MARCHF10: variants seen among roughly 807,000 people sequenced by gnomAD.
The protein encoded by MARCHF10 is probable E3 ubiquitin-protein ligase MARCHF10.
Under a neutral mutation model 76.2 loss-of-function variants are expected in MARCHF10, and 64 were observed. The ratio of observed to expected loss-of-function variants is 0.84; its 90% CI spans 0.69 to 1.03. The LOEUF is 1.03. MARCHF10 is among the 50% of genes least tolerant of loss of function. The probability of loss-of-function intolerance (pLI) is 0.00; values close to 1 mark genes in which losing one functional copy is unlikely to be tolerated. For missense variants in MARCHF10, 875 were observed against 958.0 expected (o/e 0.91, Z 1.14); for synonymous variants, 340 against 357.5 (o/e 0.95, Z 0.55).
intron 2 of MARCHF10, among the ~76,000 whole-genome samples, chr17:62,792,688 C>CTA: frequency 2.0e-5 from 3 of 149,758 alleles, no homozygotes; most frequent in South Asian, 4.3e-4. Context: ...ACCTCCATCA[C>CTA]CACCATCACC....
chr17:62,759,112 C>T (rs1558239), intron 4 of MARCHF10, among the ~76,000 whole-genome samples: 78,642 of 152,088 alleles, frequency 0.52, 21,412 homozygotes, highest in East Asian at 0.7. Flanking sequence ...GAGGACAAAC[C>T]CAGAACAGGA....
chr17:62,799,679 G>A (rs1413386584), intron 2 of MARCHF10, among the ~76,000 whole-genome samples: 4 of 151,820 alleles, frequency 2.6e-5, no homozygotes, highest in Non-Finnish European at 5.9e-5. Context: ...CCAGGAGGCA[G>A]AGGTTGCGAT....
At chr17:62,705,656 C>T in intron 9 of MARCHF10, 75 bp from the exon 10 acceptor site, 1 of 1,562,300 alleles carries the variant, frequency 6.4e-7, no homozygotes, top group Non-Finnish European at 8.8e-7. Context: ...ACCTCCTAGT[C>T]GCAGCAACGT....
At chr17:62,768,883 T>C (rs575921972) in intron 3 of MARCHF10, among the ~76,000 whole-genome samples, 1 of 152,330 alleles carries the variant, frequency 6.6e-6, no homozygotes, top group East Asian at 1.9e-4. Flanking sequence ...AACCCAATTG[T>C]CCCCAAGATG....
At chr17:62,793,179 TACC>T (rs1319754914) in intron 2 of MARCHF10, among the ~76,000 whole-genome samples, 4 of 33,218 alleles carry the variant, frequency 1.2e-4, no homozygotes, top group South Asian at 1.1e-3. Flanking sequence ...CCTCCATCAC[TACC>T]ACCACCACCT....
At chr17:62,769,701 A>ACCACG (rs2092405513) in intron 3 of MARCHF10, among the ~76,000 whole-genome samples, 1 of 152,228 alleles carries the variant, frequency 6.6e-6, no homozygotes, top group Non-Finnish European at 1.5e-5. Context: ...GGCGTCAGCC[A>ACCACG]CCACGCCCAG....
chr17:62,778,989 A>G (rs780980398), intron 3 of MARCHF10, among the ~76,000 whole-genome samples: 5 of 152,206 alleles, frequency 3.3e-5, no homozygotes, highest in Non-Finnish European at 5.9e-5. Flanking sequence ...GCTAAAATGG[A>G]AAACAAACTC....
intron 4 of MARCHF10, chr17:62,746,795 G>T: frequency 9.7e-7 from 1 of 1,033,206 alleles, no homozygotes; most frequent in Non-Finnish European, 1.4e-6. Context: ...AATATTCAAA[G>T]TTCCCACGCA....
At chr17:62,804,575 G>A (rs907232898) in intron 1 of MARCHF10, among the ~76,000 whole-genome samples, 2 of 152,134 alleles carry the variant, frequency 1.3e-5, no homozygotes, top group Admixed American at 6.5e-5. Flanking sequence ...TTGGAGTGAC[G>A]GGGCTGGGAG....
chr17:62,738,685 G>T lies in MARCHF10; in HGVS notation c.536-1353C>A, dbSNP rs2091390746. 6.6e-6 allele frequency among the ~76,000 whole-genome samples: 1 copy of T among 152,166 alleles called. No individual in the cohort carries two copies. The highest frequency in any genetic ancestry group is 2.4e-5 in the African/African-American group (1 of 41,434). On this transcript the variant is annotated intron_variant, in intron 5 of 10. Transcript: ENST00000311269. This position sits in a 1 kb window ranked among gnomAD's most constrained non-coding sequence, Gnocchi z 4.0. Reference sequence around the variant, plus strand: ...TCACTTTAATTGGGGCTCCTCACAGGGGGACACCAGTGTGAGTCTCTAATG... The same window carrying T: ...TCACTTTAATTGGGGCTCCTCACAGTGGGACACCAGTGTGAGTCTCTAATG...
chr17:62,726,265 G>A (rs543688908), intron 6 of MARCHF10: 4 of 152,330 alleles, frequency 2.6e-5, no homozygotes, highest in South Asian at 2.1e-4. Context: ...GAGTCCTCAC[G>A]GGACTGGGGG....
chr17:62,807,169 A>G (rs1488176934), intron 1 of MARCHF10, among the ~76,000 whole-genome samples: 1 of 152,166 alleles, frequency 6.6e-6, no homozygotes, highest in Non-Finnish European at 1.5e-5. Context: ...ACATTATAGG[A>G]TTTGTTTAAA....
At chr17:62,715,527 AC>A in intron 8 of MARCHF10, among the ~76,000 whole-genome samples, 1 of 152,242 alleles carries the variant, frequency 6.6e-6, no homozygotes, top group Non-Finnish European at 1.5e-5. Context: ...CCACCGCAAA[AC>A]CGAGTGCCCA....
At chr17:62,714,076 C>T (rs1408450889) in intron 8 of MARCHF10, among the ~76,000 whole-genome samples, 2 of 152,218 alleles carry the variant, frequency 1.3e-5, no homozygotes, top group Admixed American at 6.5e-5. Flanking sequence ...TAGGTGACTG[C>T]GTGTGTCTGA....
chr17:62,788,412 C>T, intron 3 of MARCHF10, 68 bp downstream of exon 3: 7 of 1,592,764 alleles, frequency 4.4e-6, no homozygotes, highest in Non-Finnish European at 6.0e-6. Flanking sequence ...ACATCACACA[C>T]ACACACACAC....
At chr17:62,796,426 T>A (rs1391186337) in intron 2 of MARCHF10, among the ~76,000 whole-genome samples, 1 of 152,264 alleles carries the variant, frequency 6.6e-6, no homozygotes, top group Non-Finnish European at 1.5e-5. Flanking sequence ...TTTACTTACT[T>A]CAATGATATT....
At chr17:62,702,607 AGT>A (rs1213977793) in intron 10 of MARCHF10, among the ~76,000 whole-genome samples, 1 of 152,162 alleles carries the variant, frequency 6.6e-6, no homozygotes, top group African/African-American at 2.4e-5. Context: ...CAGAGGCTGC[AGT>A]GAGCCGAGAT....
intron 5 of MARCHF10, among the ~76,000 whole-genome samples, chr17:62,743,213 C>T (rs2091578548): frequency 6.6e-6 from 1 of 152,206 alleles, no homozygotes; most frequent in African/African-American, 2.4e-5. Flanking sequence ...AGCTCATGCC[C>T]TTCCCGGCAG....
chr17:62,745,846 T>C (rs1234653852), intron 4 of MARCHF10, among the ~76,000 whole-genome samples: 1 of 152,226 alleles, frequency 6.6e-6, no homozygotes, highest in African/African-American at 2.4e-5. Context: ...GTATATACCA[T>C]GCATCTCTAC....
Sources: allele counts gnomAD v4.1 joint callset (sites outside exome capture counted in the v4.1 genomes callset), GRCh38; gene constraint gnomAD v4.1.1; non-coding constraint Gnocchi (gnomAD v3.1); transcripts MANE v1.5; gene names NCBI Gene and HGNC (gene_info 2026-07-23, HGNC 2026-07-21).